The following BCL9L variants were observed in gnomAD, a reference collection of about 807,000 sequenced individuals.
BCL9L encodes BCL9 like.
In BCL9L, 19 loss-of-function variants were observed where a neutral mutation model predicts 99.4. That is an observed-to-expected ratio of 0.19 (90% CI 0.13 to 0.28). The LOEUF is 0.28. BCL9L is among the 10% of genes least tolerant of loss of function. The pLI is 1.00. For synonymous variants in BCL9L, 900 were observed against 854.8 expected (o/e 1.05, Z -0.92); for missense variants, 2,023 against 2,101.6 (o/e 0.96, Z 0.73).
Position 118,914,207 on chromosome 11 carries a change from C to T in BCL9L, c.-76-4192G>A, listed in dbSNP as rs537533913. 2.3e-3 allele frequency among the ~76,000 whole-genome samples: 356 copies of T among 152,312 alleles called. 3 individuals carry two copies. Among genetic ancestry groups the T allele is most frequent in the Middle Eastern group, 0.01 (3 of 294 alleles). On this transcript the variant is annotated intron_variant, in intron 2 of 9. Transcript: ENST00000683865. This position sits in a 1 kb window ranked among gnomAD's most constrained non-coding sequence, Gnocchi z 4.4. ...CAAGGCAGCTCCCTGTGGGCCCTCACCTGGCCTCAGTCCTCCAAGGGGTTA... is the reference window on the plus strand; with the variant it reads ...CAAGGCAGCTCCCTGTGGGCCCTCATCTGGCCTCAGTCCTCCAAGGGGTTA...
chr11:118,901,919 T>C lies in BCL9L; in HGVS notation c.1824A>G (p.Ile608Met), dbSNP rs753657159. ...TGCCCCCAAACCCAGGTACCCGTTG[T>C]ATCTGGTTGCCTGGGAAACGGGGCC... Reference protein sequence around the residue: ...FPGPRFPGNQIQRVPGFGGMQ... With the variant: ...FPGPRFPGNQMQRVPGFGGMQ... The change falls in exon 8 of 10, where the codon ATA becomes ATG. Residue 608 changes from isoleucine (I) to methionine (M), a missense_variant. By Grantham distance (10) the Ile-to-Met change is conservative. Transcript: ENST00000683865. This position sits in a 1 kb window ranked among gnomAD's most constrained non-coding sequence, Gnocchi z 6.6. The C allele has an allele frequency of 6.2e-7, 1 of 1,613,606 alleles. No homozygotes were observed. The highest frequency in any genetic ancestry group is 1.1e-5 in the South Asian group (1 of 90,994).
chr11:118,915,483 GCTCCTCCCC>G (rs1936330497), intron 2 of BCL9L, among the ~76,000 whole-genome samples: 1 of 152,120 alleles, frequency 6.6e-6, no homozygotes, highest in Admixed American at 6.5e-5. Context: ...AAAAGACTTG[GCTCCTCCCC>G]TGCCCTCCTC....
At chr11:118,904,325 C>T (rs1940417128) in intron 5 of BCL9L, among the ~76,000 whole-genome samples, 1 of 152,052 alleles carries the variant, frequency 6.6e-6, no homozygotes, top group South Asian at 2.1e-4. Context: ...GCTGTAATCC[C>T]GCTACTCAGG....
chr11:118,909,911 C>G lies in BCL9L; in HGVS notation c.26+3G>C. ...CATCCCACCCGCCACGACACCCACACACCTTGTCTTGTTAGCCAGGATCCT... is the reference window on the plus strand; with the variant it reads ...CATCCCACCCGCCACGACACCCACAGACCTTGTCTTGTTAGCCAGGATCCT... On this transcript the variant is annotated splice_donor_region_variant and intron_variant, in intron 3 of 9. Transcript: ENST00000683865. 1 of 1,614,166 alleles carries G rather than the reference C, an allele frequency of 6.2e-7. No individual in the cohort carries two copies.
chr11:118,900,307 G>A lies in BCL9L; in HGVS notation c.3125-109C>T. 1.6e-6 allele frequency: 2 copies of A among 1,280,674 alleles called. No homozygotes were observed. Among genetic ancestry groups the A allele is most frequent in the East Asian group, 5.1e-5 (2 of 39,350 alleles). The allele number at this position is 1,280,674 out of a possible 1,614,324, so 79.3% of individuals were successfully genotyped here. A position where few individuals can be genotyped will look rare whatever the true frequency, so the allele number is the denominator to read the frequency against. On this transcript the variant is annotated intron_variant, in intron 8 of 9. Coordinates refer to ENST00000683865, the MANE Select transcript of BCL9L (RefSeq NM_001378213.1). The surrounding 1 kb of genome is among the most constrained non-coding windows in gnomAD (Gnocchi z 5.3). ...AGCGGTCAGTTCCCCAAATCACCTG[G>A]TCCTTCAGACACACCCACAGGCCCC...
chr11:118,899,370 C>G lies in BCL9L; in HGVS notation c.3545G>C (p.Gly1182Ala), dbSNP rs754119733. The change falls in exon 10 of 10, where the codon GGC becomes GCC. Residue 1182 changes from glycine (G) to alanine (A), a missense_variant. Physicochemically the swap from Gly to Ala is moderately conservative, Grantham distance 60 (BLOSUM62 0). Coordinates refer to ENST00000683865, the MANE Select transcript of BCL9L (RefSeq NM_001378213.1). ...GTTGGGATGCAGTGGAATGTTGGAG[C>G]CCAGAGGGGTGGGGGAGGGCAGCAT... ...PAMLPSPTPL[G>A]SNIPLHPNAQ... 6 of 1,582,510 alleles carry G rather than the reference C, an allele frequency of 3.8e-6. No individual in the cohort carries two copies. The highest frequency in any genetic ancestry group is 5.1e-6 in the Non-Finnish European group (6 of 1,165,114).
chr11:118,913,660 C>T (rs1373507874), intron 2 of BCL9L, among the ~76,000 whole-genome samples: 1 of 152,070 alleles, frequency 6.6e-6, no homozygotes, highest in South Asian at 2.1e-4. Context: ...ACAACCAACA[C>T]AGGAAACCAC....
Position 118,901,680 on chromosome 11 carries a change from G to A in BCL9L, c.2063C>T (p.Ser688Leu), listed in dbSNP as rs561945072. 10 of 1,613,654 alleles carry A rather than the reference G, an allele frequency of 6.2e-6. No individual in the cohort carries two copies. Among genetic ancestry groups the A allele is most frequent in the South Asian group, 3.3e-5 (3 of 91,076 alleles). Reference protein sequence around the residue: ...LLRHQLLEKRSMGMQRPLGMA... With the variant: ...LLRHQLLEKRLMGMQRPLGMA... ...GCCCAGGGGGCGCTGCATGCCCATC[G>A]ACCGCTTCTCCAGCAGCTGGTGCCG... Residue 688 changes from serine to leucine, a missense_variant, in exon 8 of 10, where the codon TCG becomes TTG. Coordinates refer to ENST00000683865, the MANE Select transcript of BCL9L (RefSeq NM_001378213.1). This position sits in a 1 kb window ranked among gnomAD's most constrained non-coding sequence, Gnocchi z 6.6.
intron 2 of BCL9L, among the ~76,000 whole-genome samples, chr11:118,913,963 G>A (rs953668586): frequency 2.0e-5 from 3 of 152,132 alleles, no homozygotes; most frequent in Admixed American, 6.5e-5. Context: ...AGTGGTGGCT[G>A]GAATTAGCCC....
Position 118,900,759 on chromosome 11 carries a change from A to G in BCL9L, c.2984T>C (p.Leu995Pro). ...AGGCACCGCCATGGAAGGAGACTTG[A>G]GCCTGCTGGGCGAGCCAGTGGGTGA... ...VRSPTGSPSR[L>P]KSPSMAVPSP... The change falls in exon 8 of 10, where the codon CTC becomes CCC. Residue 995 changes from leucine to proline, a missense_variant. By Grantham distance (98) the Leu-to-Pro change is moderately conservative (BLOSUM62 -3). Coordinates refer to ENST00000683865, the MANE Select transcript of BCL9L (RefSeq NM_001378213.1). The surrounding 1 kb of genome is among the most constrained non-coding windows in gnomAD (Gnocchi z 5.3). The G allele has an allele frequency of 6.2e-7, 1 of 1,613,740 alleles. No homozygotes were observed. The highest frequency in any genetic ancestry group is 8.5e-7 in the Non-Finnish European group (1 of 1,179,920).
chr11:118,905,457 C>T (rs990518186), intron 5 of BCL9L, among the ~76,000 whole-genome samples: 2 of 143,836 alleles, frequency 1.4e-5, no homozygotes, highest in African/African-American at 2.6e-5. Context: ...TGCAGTGAGC[C>T]GAGATTGTGC....
intron 2 of BCL9L, among the ~76,000 whole-genome samples, chr11:118,916,054 A>G (rs1293493866): frequency 6.6e-6 from 1 of 152,184 alleles, no homozygotes; most frequent in African/African-American, 2.4e-5. Flanking sequence ...TCCCAAAAAT[A>G]GCCCCAGCCT....
chr11:118,907,068 AG>A (rs1940552685), intron 5 of BCL9L, among the ~76,000 whole-genome samples: 2 of 152,162 alleles, frequency 1.3e-5, no homozygotes, highest in African/African-American at 4.8e-5. Flanking sequence ...AGGTTAGGGA[AG>A]GGCACTAGAG....
Position 118,900,605 on chromosome 11 carries a change from C to G in BCL9L, c.3124+14G>C, listed in dbSNP as rs755598187. On this transcript the variant is annotated intron_variant, in intron 8 of 9. Transcript: ENST00000683865. The surrounding 1 kb of genome is among the most constrained non-coding windows in gnomAD (Gnocchi z 5.3). ...GCCTGCCTGCCTGCCTGCCTGCCTGCGCAATTGACTCACCCTGTTCCATGT... is the reference window on the plus strand; with the variant it reads ...GCCTGCCTGCCTGCCTGCCTGCCTGGGCAATTGACTCACCCTGTTCCATGT... The G allele has an allele frequency of 6.3e-7, 1 of 1,587,358 alleles. No homozygotes were observed. Among genetic ancestry groups the G allele is most frequent in the African/African-American group, 1.3e-5 (1 of 74,482 alleles).
intron 4 of BCL9L, 77 bp downstream of exon 4, chr11:118,908,191 CAG>C (rs1485765398): frequency 1.1e-5 from 17 of 1,493,478 alleles, no homozygotes; most frequent in Non-Finnish European, 1.4e-5. Flanking sequence ...AAGCAGGGAG[CAG>C]AGAGGTGATC....
In BCL9L at chr11:118,898,294, G is replaced by GCCCCCAACCCCCCCCCCCCCCC; in HGVS notation, c.*120_*121insGGGGGGGGGGGGGGGTTGGGGG. 6.6e-6 allele frequency: 3 copies of GCCCCCAACCCCCCCCCCCCCCC among 452,312 alleles called. No individual in the cohort carries two copies. Among genetic ancestry groups the GCCCCCAACCCCCCCCCCCCCCC allele is most frequent in the East Asian group, 4.3e-5 (1 of 23,130 alleles). The allele number at this position is 452,312 out of a possible 1,614,324, so 28.0% of individuals were successfully genotyped here. On this transcript the variant is annotated 3_prime_UTR_variant, in exon 10 of 10. Coordinates refer to ENST00000683865, the MANE Select transcript of BCL9L (RefSeq NM_001378213.1). Reference sequence around the variant, plus strand: ...TCCACAAATGCCACTCCCTACACAAGCCCCCTCCCACCCCCTCCACCCCAC... The same window carrying GCCCCCAACCCCCCCCCCCCCCC: ...TCCACAAATGCCACTCCCTACACAAGCCCCCAACCCCCCCCCCCCCCCCCCCCTCCCACCCCCTCCACCCCAC...
Position 118,898,482 on chromosome 11 carries a change from C to T in BCL9L, c.4433G>A (p.Ser1478Asn), listed in dbSNP as rs768910057. Residue 1478 changes from serine (S) to asparagine (N), a missense_variant, in exon 10 of 10, where the codon AGT becomes AAT. Ser to Asn is a conservative substitution (Grantham distance 46). This residue lies in a region of BCL9L where 902 missense variants were observed against 888.2 expected (regional missense o/e 1.02). Coordinates refer to ENST00000683865, the MANE Select transcript of BCL9L (RefSeq NM_001378213.1). ...GCCCATCTGGCTGTCCAGGGACACA[C>T]TGCGCTGCCGAAGGGGGTGGGACAC... The part of the protein sequence containing the change: ...LMVSHPLRQR[S>N]VSLDSQMGYL... The T allele has an allele frequency of 1.2e-6, 2 of 1,604,488 alleles. No individual in the cohort carries two copies. Among genetic ancestry groups the T allele is most frequent in the African/African-American group, 2.7e-5 (2 of 74,814 alleles).
rs1241530273 is a variant in BCL9L at position 118,898,732 on chromosome 11, C to G, written c.4183G>C (p.Gly1395Arg). The G allele has an allele frequency of 1.2e-6, 2 of 1,613,156 alleles. No homozygotes were observed. The highest frequency in any genetic ancestry group is 8.5e-7 in the Non-Finnish European group (1 of 1,179,854). ...RGLNMSMCHP[G>R]QMSLLGRTGV... is the part of the protein sequence containing the mutation. The stretch of plus-strand genomic sequence containing the variant: ...GTCCTGCCCAGCAAGGACATCTGTC[C>G]AGGGTGGCACATGGACATGTTGAGC... Residue 1395 changes from glycine (G) to arginine (R), a missense_variant, in exon 10 of 10, where the codon GGA becomes CGA. By Grantham distance (125) the Gly-to-Arg change is moderately radical. This residue lies in a region of BCL9L where 902 missense variants were observed against 888.2 expected (regional missense o/e 1.02). Coordinates refer to ENST00000683865, the MANE Select transcript of BCL9L (RefSeq NM_001378213.1).
rs751732259 is a variant in BCL9L, at chr11:118,899,897, G to A, written c.3406+20C>T. ...GCCCACACCAGCTGGCCTCCCTGGG[G>A]CCCTGGCCTGTCCTCGCACCTGGCC... On this transcript the variant is annotated intron_variant, in intron 9 of 9. Transcript: ENST00000683865. 6.2e-7 allele frequency: 1 copy of A among 1,607,078 alleles called. No homozygotes were observed. The highest frequency in any genetic ancestry group is 8.5e-7 in the Non-Finnish European group (1 of 1,177,318).
Sources: allele counts gnomAD v4.1 joint callset (sites outside exome capture counted in the v4.1 genomes callset), GRCh38; gene constraint gnomAD v4.1.1; regional missense constraint gnomAD v4.1.1; non-coding constraint Gnocchi (gnomAD v3.1); transcripts MANE v1.5; gene names NCBI Gene and HGNC (gene_info 2026-07-23, HGNC 2026-07-21).